Variants in FAM227B observed in about 807,000 individuals in gnomAD.
FAM227B encodes the protein protein FAM227B.
In FAM227B, 88 loss-of-function variants were observed where a neutral mutation model predicts 73.8. The ratio of observed to expected loss-of-function variants is 1.19; its 90% CI spans 1.00 to 1.42. The LOEUF (loss-of-function observed/expected upper bound fraction) is 1.42. FAM227B is among the 40% of genes most tolerant of loss of function. The pLI is 0.00. For missense variants in FAM227B, 632 were observed against 590.9 expected (o/e 1.07, Z -0.72); for synonymous variants, 210 against 190.5 (o/e 1.10, Z -0.84).
rs1431226175 is a variant in FAM227B at position 49,489,015 on chromosome 15, C to T, written c.1012+19196G>A. The T allele has an allele frequency of 2.0e-5, 3 of 152,390 alleles. No individual in the cohort carries two copies. The East Asian group carries it at 5.8e-4, about 29-fold the overall frequency. 9.4% of individuals were successfully genotyped at this position (152,390 alleles called of 1,614,324 possible). ...CTGCTTACAACATTACAGTCTGTTT[C>T]CCACGGAGCAAGAAATCAGAAAGTG... is the stretch of plus-strand genomic sequence containing the variant. On this transcript the variant is annotated intron_variant, in intron 11 of 15. Transcript: ENST00000299338.
intron 11 of FAM227B, among the ~76,000 whole-genome samples, chr15:49,439,893 G>C (rs2051474084): frequency 6.6e-6 from 1 of 151,734 alleles, no homozygotes; most frequent in East Asian, 1.9e-4. Flanking sequence ...AGATCATAGA[G>C]TCCAGAGATT....
At chr15:49,405,643 T>A (rs1352130587) in intron 11 of FAM227B, among the ~76,000 whole-genome samples, 3 of 152,226 alleles carry the variant, frequency 2.0e-5, no homozygotes, top group Non-Finnish European at 4.4e-5. Context: ...ATTCTGTCTG[T>A]CAGCTTTTAC....
At chr15:49,427,638 C>CT (rs1200218949) in intron 11 of FAM227B, among the ~76,000 whole-genome samples, 2 of 151,906 alleles carry the variant, frequency 1.3e-5, no homozygotes, top group East Asian at 1.9e-4. Context: ...TTTCTCATGA[C>CT]TTTTTTTTGA....
intron 10 of FAM227B, 47 bp downstream of exon 10, chr15:49,541,632 AT>A: frequency 1.5e-6 from 2 of 1,338,422 alleles, no homozygotes; most frequent in Non-Finnish European, 1.9e-6. Context: ...CAACCCCAAA[AT>A]TTTAGAAACC....
rs543787064 is a variant in FAM227B, at chr15:49,439,478, G to C, written c.1013-68079C>G. 2.2e-4 allele frequency among the ~76,000 whole-genome samples: 34 copies of C among 151,868 alleles called. No individual in the cohort carries two copies. In the South Asian group the frequency reaches 7.0e-3, roughly 31 times the overall value. On this transcript the variant is annotated intron_variant, in intron 11 of 15. Coordinates refer to ENST00000299338, the MANE Select transcript of FAM227B (RefSeq NM_152647.3). ...TGTGAATAGTGAATACTAAGTGTTA[G>C]GGATCATTGGGGCCAAACCACGGAC...
At chr15:49,470,113 A>T (rs915901513) in intron 11 of FAM227B, among the ~76,000 whole-genome samples, 1 of 152,134 alleles carries the variant, frequency 6.6e-6, no homozygotes, top group African/African-American at 2.4e-5. Flanking sequence ...TCTTTTGAAG[A>T]CCACGGTATT....
chr15:49,449,649 C>T (rs568195465), intron 11 of FAM227B, among the ~76,000 whole-genome samples: 10 of 152,162 alleles, frequency 6.6e-5, no homozygotes, highest in East Asian at 5.8e-4. Flanking sequence ...GCCATACTGT[C>T]GGCTCATCTT....
At chr15:49,357,807 T>TC (rs1264244553) in intron 13 of FAM227B, among the ~76,000 whole-genome samples, 1 of 152,042 alleles carries the variant, frequency 6.6e-6, no homozygotes, top group East Asian at 1.9e-4. Flanking sequence ...TAGACCAATA[T>TC]CCTTGATGAA....
intron 11 of FAM227B, among the ~76,000 whole-genome samples, chr15:49,493,594 A>G (rs34918968): frequency 0.11 from 16,241 of 151,960 alleles, 1,234 homozygotes; most frequent in East Asian, 0.36. Context: ...TTTCTCTTCT[A>G]TAAATTCCCA....
At chr15:49,434,175 T>A (rs1448675879) in intron 11 of FAM227B, among the ~76,000 whole-genome samples, 1 of 151,680 alleles carries the variant, frequency 6.6e-6, no homozygotes, top group Non-Finnish European at 1.5e-5. Flanking sequence ...GCCTAGTTTA[T>A]CTGGTTCATA....
intron 11 of FAM227B, among the ~76,000 whole-genome samples, chr15:49,406,728 A>C (rs1025585841): frequency 4.6e-5 from 7 of 152,114 alleles, no homozygotes; most frequent in African/African-American, 1.7e-4. Flanking sequence ...ACACACACAC[A>C]CACTGGCAGG....
At chr15:49,485,246 C>T (rs1178128885) in intron 11 of FAM227B, 1 of 152,180 alleles carries the variant, frequency 6.6e-6, no homozygotes, top group African/African-American at 2.4e-5. Flanking sequence ...CTTCATCTTA[C>T]TTGCCACAAA....
chr15:49,401,905 G>A (rs2048181836), intron 11 of FAM227B, among the ~76,000 whole-genome samples: 1 of 145,380 alleles, frequency 6.9e-6, no homozygotes, highest in Non-Finnish European at 1.5e-5. Flanking sequence ...AATGCTAGAT[G>A]ACGAGTTAGT....
chr15:49,568,362 G>A lies in FAM227B; in HGVS notation c.646-16C>T. On this transcript the variant is annotated splice_polypyrimidine_tract_variant and intron_variant, in intron 8 of 15. Transcript: ENST00000299338. Reference sequence around the variant, plus strand: ...CTCTGTCAGGCTTAAAAAAATGTGTGAAATTAAAGTCAATATTACAATTTA... The same window carrying A: ...CTCTGTCAGGCTTAAAAAAATGTGTAAAATTAAAGTCAATATTACAATTTA... 1 of 1,573,472 alleles carries A rather than the reference G, an allele frequency of 6.4e-7. No homozygotes were observed.
chr15:49,487,365 A>C (rs1567375846), intron 11 of FAM227B: 1 of 151,970 alleles, frequency 6.6e-6, no homozygotes, highest in Non-Finnish European at 1.5e-5. Flanking sequence ...ACAAAAGTAA[A>C]CAAAAGATAC....
At chr15:49,614,333 T>C (rs1020570062) in intron 2 of FAM227B, among the ~76,000 whole-genome samples, 10 of 152,178 alleles carry the variant, frequency 6.6e-5, no homozygotes, top group African/African-American at 2.4e-4. Flanking sequence ...AAAAAAATCA[T>C]ATTTTTCTAT....
intron 14 of FAM227B, chr15:49,334,217 C>T: frequency 1.0e-6 from 1 of 979,722 alleles, no homozygotes; most frequent in Non-Finnish European, 1.2e-6. Context: ...AAGAGACAAA[C>T]CTATCAAGCT....
At chr15:49,558,107 T>C (rs2073903361) in intron 9 of FAM227B, among the ~76,000 whole-genome samples, 1 of 141,222 alleles carries the variant, frequency 7.1e-6, no homozygotes, top group South Asian at 2.2e-4. Flanking sequence ...CTTGCTGACT[T>C]GGGCTCCTAA....
At chr15:49,452,881 T>A (rs1269538281) in intron 11 of FAM227B, among the ~76,000 whole-genome samples, 2 of 152,204 alleles carry the variant, frequency 1.3e-5, no homozygotes, top group African/African-American at 2.4e-5. Flanking sequence ...AACAAAAAGA[T>A]GATAAAACTA....
Sources: gnomAD v4.1 joint callset for allele counts (sites outside exome capture counted in the v4.1 genomes callset) on GRCh38, gnomAD v4.1.1 for gene constraint, MANE v1.5 for transcripts, NCBI Gene and HGNC (gene_info 2026-07-23, HGNC 2026-07-21) for gene names.